Variants in ATP11B observed in about 807,000 individuals in gnomAD.
The protein encoded by ATP11B is ATPase phospholipid transporting 11B (putative).
In ATP11B, 81 loss-of-function variants were observed where a neutral mutation model predicts 157.8. That is an observed-to-expected ratio of 0.51 (90% confidence interval 0.43 to 0.62). ATP11B has a LOEUF of 0.62. ATP11B is among the 20% of genes least tolerant of loss of function. The pLI, the probability that ATP11B is intolerant of heterozygous loss-of-function variation, is 0.00. For missense variants in ATP11B, 1,165 were observed against 1,402.2 expected (o/e 0.83, Z 2.70); for synonymous variants, 451 against 469.4 (o/e 0.96, Z 0.51).
intron 12 of ATP11B, among the ~76,000 whole-genome samples, chr3:182,864,319 AG>A (rs1234779925): frequency 6.6e-6 from 1 of 152,176 alleles, no homozygotes; most frequent in Non-Finnish European, 1.5e-5. Flanking sequence ...TGACAAAAGC[AG>A]TCTTATTCCT....
chr3:182,860,796 T>C (rs1295463329), intron 12 of ATP11B, among the ~76,000 whole-genome samples: 2 of 152,180 alleles, frequency 1.3e-5, no homozygotes, highest in African/African-American at 4.8e-5. Flanking sequence ...TTTGGTATTC[T>C]CTGGATAGTT....
intron 1 of ATP11B, among the ~76,000 whole-genome samples, chr3:182,814,829 G>A (rs2108493919): frequency 6.6e-6 from 1 of 152,236 alleles, no homozygotes; most frequent in South Asian, 2.1e-4. Flanking sequence ...ATAGTCTGGA[G>A]GGGGAGATAG....
intron 1 of ATP11B, among the ~76,000 whole-genome samples, chr3:182,796,490 G>T (rs998571983): frequency 2.0e-5 from 3 of 152,158 alleles, no homozygotes; most frequent in Non-Finnish European, 2.9e-5. Context: ...ATTAAAATTT[G>T]AATTCATGTG....
At position 182,869,303 on chromosome 3, in the gene ATP11B, C is replaced by T; in HGVS notation, c.1838C>T (p.Thr613Ile). The change falls in exon 17 of 30, where the codon ACC (threonine) becomes ATC (isoleucine). Residue 613 changes from threonine to isoleucine, a missense_variant. By Grantham distance (89) the Thr-to-Ile change is moderately conservative. Transcript: ENST00000323116. ...PKCIGGEIEK[T>I]RIHVDEFALK... is the part of the protein sequence containing the mutation. ...TGTATAGGTGGAGAAATAGAAAAAA[C>T]CAGAATTCATGTAGATGAATTTGCT... The T allele has an allele frequency of 6.2e-7, 1 of 1,606,338 alleles. No homozygotes were observed. The highest frequency in any genetic ancestry group is 2.2e-5 in the East Asian group (1 of 44,630).
chr3:182,897,092 T>G (rs1723602009), intron 26 of ATP11B, among the ~76,000 whole-genome samples: 1 of 152,106 alleles, frequency 6.6e-6, no homozygotes. Flanking sequence ...GAATGCTGTT[T>G]CCTCAAAGAA....
intron 28 of ATP11B, among the ~76,000 whole-genome samples, chr3:182,899,628 T>C (rs1723813253): frequency 6.6e-6 from 1 of 152,318 alleles, no homozygotes; most frequent in South Asian, 2.1e-4. Context: ...TTAAGAATCT[T>C]TGGGGCCTGA....
intron 28 of ATP11B, 90 bp downstream of exon 28, chr3:182,898,862 A>G: frequency 1.1e-6 from 1 of 918,624 alleles, no homozygotes; most frequent in Non-Finnish European, 1.5e-6. Context: ...TATGTCAGAA[A>G]ATAGGAAATT....
chr3:182,917,208 T>A (rs117727591), intron 29 of ATP11B: 1 of 985,352 alleles, frequency 1.0e-6, no homozygotes, highest in East Asian at 1.1e-4. Context: ...CTGGAAAAAG[T>A]TACATAAAAT....
intron 8 of ATP11B, chr3:182,844,425 TA>T: frequency 3.0e-6 from 1 of 330,174 alleles, no homozygotes; most frequent in Non-Finnish European, 4.3e-6. Flanking sequence ...CAGAAAACTA[TA>T]AGGAATAGCA....
intron 19 of ATP11B, among the ~76,000 whole-genome samples, chr3:182,877,654 G>T (rs1722138543): frequency 6.6e-6 from 1 of 151,936 alleles, no homozygotes; most frequent in Non-Finnish European, 1.5e-5. Context: ...AAAAATAAAG[G>T]CAGCAAAGGG....
At position 182,913,892 on chromosome 3, in the gene ATP11B, T is replaced by C. The variant is rs2108597751; in HGVS notation, c.3350T>C (p.Leu1117Ser). ...GAAACAAATGCAGGTATCAAGTGCT[T>C]GGACTCCATGTGCTGTTTCCCGGAA... is the stretch of plus-strand genomic sequence containing the variant. ...LTETNAGIKC[L>S]DSMCCFPEGE... Residue 1117 changes from leucine (L) to serine (S), a missense_variant, in exon 29 of 30, where the codon TTG becomes TCG. Leu to Ser is a moderately radical substitution (Grantham distance 145). Around this residue, in one of 4 missense-constraint regions of ATP11B, gnomAD observed 303 missense variants for 296.3 expected, o/e 1.02. Coordinates refer to ENST00000323116, the MANE Select transcript of ATP11B (RefSeq NM_014616.3). The C allele has an allele frequency of 6.2e-7, 1 of 1,614,170 alleles. No homozygotes were observed. Among genetic ancestry groups the C allele is most frequent in the East Asian group, 2.2e-5 (1 of 44,886 alleles).
intron 4 of ATP11B, among the ~76,000 whole-genome samples, chr3:182,833,438 ACC>A: frequency 6.6e-6 from 1 of 151,984 alleles, no homozygotes; most frequent in East Asian, 1.9e-4. Context: ...TGATCCTTCC[ACC>A]TCAGCCTACC....
At chr3:182,813,929 G>T (rs1168723794) in intron 1 of ATP11B, among the ~76,000 whole-genome samples, 1 of 152,052 alleles carries the variant, frequency 6.6e-6, no homozygotes, top group Non-Finnish European at 1.5e-5. Flanking sequence ...GTTTTCCCAT[G>T]TTGCCCAGGC....
intron 4 of ATP11B, among the ~76,000 whole-genome samples, chr3:182,831,618 A>G (rs1416637887): frequency 6.6e-6 from 1 of 151,094 alleles, no homozygotes; most frequent in Non-Finnish European, 1.5e-5. Flanking sequence ...ACACTCCTCT[A>G]CTTGTCCTCG....
rs149802381 is a variant in ATP11B at position 182,836,274 on chromosome 3, A to G, written c.424-68A>G. ...ATACTGTGATAGGCTGCTTCTTTAG[A>G]GCCCAATAAAAGTAAGTCCTTGCCT... On this transcript the variant is annotated intron_variant, in intron 5 of 29. Coordinates refer to ENST00000323116, the MANE Select transcript of ATP11B (RefSeq NM_014616.3). 432 of 1,595,982 alleles carry G rather than the reference A, an allele frequency of 2.7e-4. 9 individuals are homozygous for G. The East Asian group carries it at 9.6e-3, about 35-fold the overall frequency.
intron 1 of ATP11B, among the ~76,000 whole-genome samples, chr3:182,817,385 G>A (rs1417958107): frequency 6.6e-6 from 1 of 151,918 alleles, no homozygotes; most frequent in Non-Finnish European, 1.5e-5. Flanking sequence ...GGTTCAAGCA[G>A]TTCCCCTGCC....
At chr3:182,872,240 G>T in intron 17 of ATP11B, 116 bp from the exon 18 acceptor site, 1 of 689,692 alleles carries the variant, frequency 1.4e-6, no homozygotes. Context: ...CTTTTTAAAT[G>T]ATTTGTGATT....
intron 19 of ATP11B, among the ~76,000 whole-genome samples, chr3:182,874,748 A>G (rs1337035875): frequency 6.6e-6 from 1 of 152,202 alleles, no homozygotes; most frequent in East Asian, 1.9e-4. Context: ...ACAAAGTACT[A>G]TCCCTTGCCC....
Position 182,854,425 on chromosome 3 carries a change from G to A in ATP11B, c.852-3453G>A, listed in dbSNP as rs559476851. 2.0e-3 allele frequency among the ~76,000 whole-genome samples: 306 copies of A among 152,066 alleles called. 2 individuals are homozygous for A. The highest frequency in any genetic ancestry group is 6.9e-3 in the African/African-American group (288 of 41,452). ...GCGGAGGTTGTGGTGAGATGAGATC[G>A]TGCCATTGCACTCCAGCCTGGGCAA... is the stretch of plus-strand genomic sequence containing the variant. On this transcript the variant is annotated intron_variant, in intron 10 of 29. Coordinates refer to ENST00000323116, the MANE Select transcript of ATP11B (RefSeq NM_014616.3).
Sources: allele counts gnomAD v4.1 joint callset (sites outside exome capture counted in the v4.1 genomes callset), GRCh38; gene constraint gnomAD v4.1.1; regional missense constraint gnomAD v4.1.1; transcripts MANE v1.5; gene names NCBI Gene and HGNC (gene_info 2026-07-23, HGNC 2026-07-21).